Variants in RAB31 observed in about 807,000 individuals in gnomAD.
The protein encoded by RAB31 is RAB31, member RAS oncogene family, also known as ras-related protein Rab-31.
In RAB31, 21 loss-of-function variants were observed where a neutral mutation model predicts 25.6. The ratio of observed to expected loss-of-function variants is 0.82; its 90% CI spans 0.58 to 1.18. The LOEUF (loss-of-function observed/expected upper bound fraction) is 1.18, where lower values mean the gene tolerates loss of function less well. Ranked by LOEUF, RAB31 falls within the 50% of genes most tolerant of loss-of-function variation. The probability of loss-of-function intolerance (pLI) is 0.00; values close to 1 mark genes in which losing one functional copy is unlikely to be tolerated. For missense variants in RAB31, 196 were observed against 250.1 expected (o/e 0.78, Z 1.46); for synonymous variants, 87 against 84.0 (o/e 1.04, Z -0.20).
At chr18:9,854,403 A>C (rs564907123) in intron 6 of RAB31, among the ~76,000 whole-genome samples, 15 of 151,846 alleles carry the variant, frequency 9.9e-5, no homozygotes, top group African/African-American at 3.6e-4. Flanking sequence ...TAGACTTTTA[A>C]CTTCAGGCTT....
At chr18:9,739,284 C>A (rs960887563) in intron 1 of RAB31, among the ~76,000 whole-genome samples, 8 of 152,162 alleles carry the variant, frequency 5.3e-5, no homozygotes, top group Admixed American at 5.2e-4. Flanking sequence ...ACCATCCTGA[C>A]TAACACGGTG....
In RAB31 at chr18:9,861,056, A is replaced by G. The variant is rs1176713496; in HGVS notation, c.*1731A>G. On this transcript the variant is annotated 3_prime_UTR_variant, in exon 7 of 7. Coordinates refer to ENST00000578921, the MANE Select transcript of RAB31 (RefSeq NM_006868.4). ...CACATTGTCCACATTAATGGTTGGC[A>G]TGATTGTGCTTGCAGGCCAAGAAAT... 2.0e-5 allele frequency: 3 copies of G among 151,456 alleles called. No individual in the cohort carries two copies. Among genetic ancestry groups the G allele is most frequent in the Non-Finnish European group, 4.4e-5 (3 of 67,908 alleles). 9.4% of individuals were successfully genotyped at this position (151,456 alleles called of 1,614,324 possible). A position where few individuals can be genotyped will look rare whatever the true frequency, so the allele number is the denominator to read the frequency against.
chr18:9,793,594 G>A (rs902904037), intron 3 of RAB31, among the ~76,000 whole-genome samples: 2 of 151,830 alleles, frequency 1.3e-5, no homozygotes, highest in African/African-American at 2.4e-5. Context: ...CCCAGGAGGC[G>A]GAGGTTGCAG....
chr18:9,789,047 C>A (rs2068447202), intron 2 of RAB31, among the ~76,000 whole-genome samples: 1 of 152,064 alleles, frequency 6.6e-6, no homozygotes, highest in Admixed American at 6.5e-5. Context: ...TACTATTCAG[C>A]CATAAAAAAG....
intron 3 of RAB31, among the ~76,000 whole-genome samples, chr18:9,799,862 G>A (rs945407380): frequency 6.6e-6 from 1 of 152,190 alleles, no homozygotes; most frequent in Non-Finnish European, 1.5e-5. Flanking sequence ...TTTGTGCATG[G>A]TGTGTTGTAC....
intron 6 of RAB31, among the ~76,000 whole-genome samples, chr18:9,852,533 C>G (rs1265443529): frequency 6.6e-6 from 1 of 151,602 alleles, no homozygotes. Context: ...ATTTGTTTAT[C>G]CAAGAAATTA....
At chr18:9,799,951 T>TA (rs1196239653) in intron 3 of RAB31, among the ~76,000 whole-genome samples, 1 of 152,216 alleles carries the variant, frequency 6.6e-6, no homozygotes, top group Non-Finnish European at 1.5e-5. Flanking sequence ...GGGAAGTTTT[T>TA]ATCCTGTCCT....
At chr18:9,720,311 G>A (rs2068067699) in intron 1 of RAB31, among the ~76,000 whole-genome samples, 1 of 152,172 alleles carries the variant, frequency 6.6e-6, no homozygotes, top group Admixed American at 6.6e-5. Flanking sequence ...CTATGCGGTA[G>A]TTTCTGTCCT....
intron 5 of RAB31, among the ~76,000 whole-genome samples, chr18:9,820,718 A>C (rs1429791812): frequency 6.6e-6 from 1 of 152,020 alleles, no homozygotes; most frequent in Non-Finnish European, 1.5e-5. Flanking sequence ...TAATACTTCT[A>C]ATTTGTATAA....
intron 1 of RAB31, among the ~76,000 whole-genome samples, chr18:9,729,516 G>C (rs920706188): frequency 2.7e-5 from 4 of 145,612 alleles, no homozygotes; most frequent in African/African-American, 1.1e-4. Context: ...GACAGAGTGA[G>C]ACTCCGTCTC....
Position 9,757,747 on chromosome 18 carries a change from G to A in RAB31, c.40-17531G>A, listed in dbSNP as rs917776512. On this transcript the variant is annotated intron_variant, in intron 1 of 6. Coordinates refer to ENST00000578921, the MANE Select transcript of RAB31 (RefSeq NM_006868.4). ...CAGATCCCCTTTGGGGAATGTGCAG[G>A]AATGTCAGAAGTAGGGAGATAGAGC... is the stretch of plus-strand genomic sequence containing the variant. Among the ~76,000 whole-genome samples the A allele has an allele frequency of 3.3e-5, 5 of 152,344 alleles. No homozygotes were observed. The South Asian group carries it at 8.3e-4, about 25-fold the overall frequency.
chr18:9,832,460 G>A (rs1036279257), intron 5 of RAB31, among the ~76,000 whole-genome samples: 3 of 152,224 alleles, frequency 2.0e-5, no homozygotes, highest in Non-Finnish European at 2.9e-5. Context: ...CTGAATGACA[G>A]CACAGACCGT....
At chr18:9,744,013 A>G (rs918535715) in intron 1 of RAB31, among the ~76,000 whole-genome samples, 3 of 152,230 alleles carry the variant, frequency 2.0e-5, no homozygotes, top group African/African-American at 4.8e-5. Flanking sequence ...CAGTGGGTGC[A>G]TTAATCTTTC....
chr18:9,737,100 G>A (rs183298860), intron 1 of RAB31, among the ~76,000 whole-genome samples: 2 of 152,282 alleles, frequency 1.3e-5, no homozygotes, highest in Non-Finnish European at 2.9e-5. Flanking sequence ...GTGCCAAGGT[G>A]ACTCAGCTTT....
At chr18:9,715,528 CTTTTT>C (rs1161797158) in intron 1 of RAB31, among the ~76,000 whole-genome samples, 2 of 128,188 alleles carry the variant, frequency 1.6e-5, no homozygotes, top group African/African-American at 2.9e-5. Context: ...CTCTCTCTCT[CTTTTT>C]TTTTTTTTTT....
Position 9,803,390 on chromosome 18 carries a change from T to C in RAB31, c.202-10630T>C, listed in dbSNP as rs549780189. 3.2e-4 allele frequency among the ~76,000 whole-genome samples: 48 copies of C among 152,178 alleles called. 1 individual carries two copies. The South Asian group carries it at 7.7e-3, about 24-fold the overall frequency. On this transcript the variant is annotated intron_variant, in intron 3 of 6. Transcript: ENST00000578921. ...AGCTGGGACTATAGGCACCAGCCAC[T>C]ATGCCTGGCTAATATTTTTTGTTTG...
At chr18:9,845,736 G>A (rs2068758694) in intron 6 of RAB31, 45 bp downstream of exon 6, 1 of 1,506,670 alleles carries the variant, frequency 6.6e-7, no homozygotes, top group Non-Finnish European at 8.9e-7. Context: ...GCATTTTTAT[G>A]CTTCTGGGAG....
intron 6 of RAB31, among the ~76,000 whole-genome samples, chr18:9,847,727 C>T (rs1260585500): frequency 1.3e-5 from 2 of 152,128 alleles, no homozygotes; most frequent in African/African-American, 2.4e-5. Flanking sequence ...TGTGCACCAC[C>T]ACACTCAGCT....
At chr18:9,731,030 G>A (rs1182404935) in intron 1 of RAB31, among the ~76,000 whole-genome samples, 1 of 152,230 alleles carries the variant, frequency 6.6e-6, no homozygotes, top group Non-Finnish European at 1.5e-5. Context: ...ACCACAGGGT[G>A]AGTGAATGCT....
Sources: gnomAD v4.1 joint callset for allele counts (sites outside exome capture counted in the v4.1 genomes callset) on GRCh38, gnomAD v4.1.1 for gene constraint, MANE v1.5 for transcripts, NCBI Gene and HGNC (gene_info 2026-07-23, HGNC 2026-07-21) for gene names.